Variants in MYH15 observed in about 807,000 individuals in gnomAD.
The protein encoded by MYH15 is myosin-15.
A neutral mutation model predicts 240.5 loss-of-function variants in MYH15; 227 were observed. That is an observed-to-expected ratio of 0.94 (90% CI 0.85 to 1.05). The LOEUF (loss-of-function observed/expected upper bound fraction) is 1.05. Among genes scored for constraint, MYH15 ranks in the 50% least tolerant of loss-of-function variants. MYH15 has a pLI of 0.00. For missense variants in MYH15, 2,217 were observed against 2,247.5 expected, an observed-to-expected ratio of 0.99 and a Z score of 0.27; for synonymous variants, 785 against 796.7, an observed-to-expected ratio of 0.99 and a Z score of 0.25.
intron 39 of MYH15, among the ~76,000 whole-genome samples, chr3:108,384,003 T>C (rs532146918): frequency 6.6e-6 from 1 of 152,262 alleles, no homozygotes; most frequent in East Asian, 1.9e-4. Flanking sequence ...AGACTGAAAA[T>C]GTGCTAGAAT....
chr3:108,463,999 T>C (rs930103746), intron 15 of MYH15, among the ~76,000 whole-genome samples: 2 of 152,146 alleles, frequency 1.3e-5, no homozygotes, highest in African/African-American at 4.8e-5. Context: ...TTTTACTGTA[T>C]ATATCATTAT....
chr3:108,419,114 T>A (rs911497197), intron 28 of MYH15, among the ~76,000 whole-genome samples: 1 of 152,166 alleles, frequency 6.6e-6, no homozygotes, highest in African/African-American at 2.4e-5. Context: ...TTGAGACTAA[T>A]ACATCACGTA....
At chr3:108,461,262 CCAGGTCTCT>C (rs2083069514) in intron 16 of MYH15, among the ~76,000 whole-genome samples, 1 of 152,118 alleles carries the variant, frequency 6.6e-6, no homozygotes, top group African/African-American at 2.4e-5. Context: ...TTGAAACACC[CCAGGTCTCT>C]CAGTGAAACA....
At chr3:108,547,025 C>T in the MYH15 span, among the ~76,000 whole-genome samples, 2 of 151,876 alleles carry the variant, frequency 1.3e-5, no homozygotes, top group African/African-American at 2.4e-5. Flanking sequence ...ACTTATCATG[C>T]TCATTATTCA....
intron 9 of MYH15, among the ~76,000 whole-genome samples, chr3:108,488,557 C>T (rs2083322730): frequency 6.6e-6 from 1 of 152,160 alleles, no homozygotes; most frequent in African/African-American, 2.4e-5. Flanking sequence ...ATCCTCCCTC[C>T]TGGGCCTCCC....
chr3:108,546,514 T>C, the MYH15 span, among the ~76,000 whole-genome samples: 1 of 152,198 alleles, frequency 6.6e-6, no homozygotes, highest in Admixed American at 6.5e-5. Context: ...ATCCACTCTG[T>C]TGACTTTGAA....
chr3:108,383,539 T>C, intron 40 of MYH15, 56 bp downstream of exon 40: 1 of 1,569,422 alleles, frequency 6.4e-7, no homozygotes, highest in East Asian at 2.3e-5. Context: ...TGCAATGACA[T>C]CAGCCCTAAA....
In MYH15 at chr3:108,381,510, C is replaced by T. The variant is rs761939102; in HGVS notation, c.*35G>A. 74 of 1,611,896 alleles carry T rather than the reference C, an allele frequency of 4.6e-5. 1 individual carries two copies. The highest frequency in any genetic ancestry group is 3.7e-4 in the South Asian group (34 of 91,026). On this transcript the variant is annotated 3_prime_UTR_variant, in exon 41 of 41. Coordinates refer to ENST00000693548, the MANE Select transcript of MYH15 (RefSeq NM_014981.3). ...GCCATGAAACAGCACCTTCCTTGTA[C>T]TTCTCCAGCTGTTGTCCTTTCAAAG...
chr3:108,430,053 C>A (rs947836012), intron 26 of MYH15, among the ~76,000 whole-genome samples: 1 of 152,122 alleles, frequency 6.6e-6, no homozygotes, highest in Non-Finnish European at 1.5e-5. Context: ...AGTCAAGAGT[C>A]ATTTGAAGAC....
chr3:108,463,008 G>A (rs1348920280), intron 16 of MYH15, 103 bp downstream of exon 16: 3 of 1,332,878 alleles, frequency 2.3e-6, no homozygotes, highest in African/African-American at 1.5e-5. Context: ...ACCACAGGGA[G>A]CAGAAACATA....
At chr3:108,432,864 T>G (rs1327392981) in intron 25 of MYH15, among the ~76,000 whole-genome samples, 2 of 152,164 alleles carry the variant, frequency 1.3e-5, no homozygotes, top group African/African-American at 4.8e-5. Context: ...AGAAGTTTGC[T>G]GCAGGAGCGG....
At chr3:108,543,004 C>T in the MYH15 span, among the ~76,000 whole-genome samples, 2 of 152,064 alleles carry the variant, frequency 1.3e-5, no homozygotes, top group South Asian at 4.1e-4. Context: ...CCTCAGCCTC[C>T]TGAGTAGCTG....
intron 28 of MYH15, among the ~76,000 whole-genome samples, chr3:108,417,905 A>C (rs12633475): frequency 6.6e-6 from 1 of 152,056 alleles, no homozygotes; most frequent in Admixed American, 6.6e-5. Context: ...CATCGCATAC[A>C]ATATTTTAAA....
upstream of MYH15, among the ~76,000 whole-genome samples, chr3:108,533,290 G>A (rs1043573289): frequency 3.3e-5 from 5 of 151,602 alleles, no homozygotes; most frequent in Non-Finnish European, 7.4e-5. Flanking sequence ...GCACAAAGGC[G>A]GGGCAATAAA....
At chr3:108,438,401 GC>G (rs1202069568) in intron 24 of MYH15, among the ~76,000 whole-genome samples, 1 of 152,114 alleles carries the variant, frequency 6.6e-6, no homozygotes, top group Non-Finnish European at 1.5e-5. Flanking sequence ...TCACAATATG[GC>G]TTTTTATTTA....
At chr3:108,386,017 G>A (rs1376443568) in intron 38 of MYH15, among the ~76,000 whole-genome samples, 2 of 152,158 alleles carry the variant, frequency 1.3e-5, no homozygotes, top group Non-Finnish European at 2.9e-5. Context: ...CCTAGTTGGG[G>A]AACTGAGACA....
chr3:108,441,284 T>C (rs972630960), intron 22 of MYH15, 24 bp from the exon 23 acceptor site: 2 of 1,611,724 alleles, frequency 1.2e-6, no homozygotes, highest in Non-Finnish European at 1.7e-6. Context: ...GAGAAAATTG[T>C]TGCCAACAGC....
intron 1 of MYH15, among the ~76,000 whole-genome samples, chr3:108,507,993 GTCTC>G (rs932151736): frequency 1.3e-5 from 2 of 152,130 alleles, no homozygotes; most frequent in Non-Finnish European, 2.9e-5. Flanking sequence ...CTCTCCCTCT[GTCTC>G]TCTTTCTCTT....
chr3:108,510,878 T>C (rs564499066), upstream of MYH15, among the ~76,000 whole-genome samples: 1 of 152,148 alleles, frequency 6.6e-6, no homozygotes, highest in South Asian at 2.1e-4. Context: ...AGAAGAAAAA[T>C]ATAAAAGTAA....
Sources: allele counts gnomAD v4.1 joint callset (sites outside exome capture counted in the v4.1 genomes callset), GRCh38; gene constraint gnomAD v4.1.1; transcripts MANE v1.5; gene names NCBI Gene and HGNC (gene_info 2026-07-23, HGNC 2026-07-21).